Variants in RPS6KB1 observed in about 807,000 individuals in gnomAD.
The protein encoded by RPS6KB1 is ribosomal protein S6 kinase beta-1.
RPS6KB1 carries 12 observed loss-of-function variants against 70.2 expected under a neutral mutation model. That is an observed-to-expected ratio of 0.17 (90% CI 0.11 to 0.28). The LOEUF (loss-of-function observed/expected upper bound fraction) is 0.28, where lower values mean the gene tolerates loss of function less well. Ranked by LOEUF, RPS6KB1 falls within the 10% of genes least tolerant of loss-of-function variation. The pLI is 1.00. For synonymous variants in RPS6KB1, 175 were observed against 211.2 expected (o/e 0.83, Z 1.49); for missense variants, 270 against 646.6 (o/e 0.42, Z 6.32).
chr17:59,893,824 T>G lies in RPS6KB1; in HGVS notation c.141+499T>G. 1 of 986,356 alleles carries G rather than the reference T, an allele frequency of 1.0e-6. No individual in the cohort carries two copies. The highest frequency in any genetic ancestry group is 4.7e-5 in the South Asian group (1 of 21,394). The allele number at this position is 986,356 out of a possible 1,614,324, so 61.1% of individuals were successfully genotyped here. A position where few individuals can be genotyped will look rare whatever the true frequency, so the allele number is the denominator to read the frequency against. ...GCGCTCAGCTGTTAGAAGTGACAGCTGAAAACTTCTGTCGGGAGTAGCACT... is the reference window on the plus strand; with the variant it reads ...GCGCTCAGCTGTTAGAAGTGACAGCGGAAAACTTCTGTCGGGAGTAGCACT... On this transcript the variant is annotated intron_variant, in intron 1 of 14. Transcript: ENST00000225577. The surrounding 1 kb of genome is among the most constrained non-coding windows in gnomAD (Gnocchi z 4.1).
intron 7 of RPS6KB1, 62 bp downstream of exon 7, chr17:59,931,784 T>A (rs576017897): frequency 5.0e-5 from 59 of 1,183,142 alleles, no homozygotes; most frequent in Non-Finnish European, 7.0e-5. Flanking sequence ...CCCACATAGG[T>A]CGTGGCCATT....
intron 1 of RPS6KB1, among the ~76,000 whole-genome samples, chr17:59,894,668 G>A (rs2041411502): frequency 6.6e-6 from 1 of 152,154 alleles, no homozygotes; most frequent in African/African-American, 2.4e-5. Context: ...GCAATGGTGC[G>A]ATCTCAGCTC....
intron 4 of RPS6KB1, among the ~76,000 whole-genome samples, chr17:59,918,515 G>T (rs1037557395): frequency 6.6e-6 from 1 of 151,792 alleles, no homozygotes; most frequent in Admixed American, 6.6e-5. Flanking sequence ...GATTACAGGT[G>T]CCCGCTACCA....
chr17:59,914,708 T>C lies in RPS6KB1; in HGVS notation c.381+5T>C, dbSNP rs773282517. On this transcript the variant is annotated splice_donor_5th_base_variant and intron_variant, in intron 4 of 14. Transcript: ENST00000225577. ...GCCATGAAGGTGCTTAAAAAGGTGA[T>C]TTCCACTCCCCCTTTTTAGTCCTCA... 6.2e-7 allele frequency: 1 copy of C among 1,601,916 alleles called. No individual in the cohort carries two copies. The highest frequency in any genetic ancestry group is 8.5e-7 in the Non-Finnish European group (1 of 1,170,660).
At chr17:59,944,106 A>C (rs2044782890) in intron 13 of RPS6KB1, among the ~76,000 whole-genome samples, 1 of 152,028 alleles carries the variant, frequency 6.6e-6, no homozygotes, top group African/African-American at 2.4e-5. Flanking sequence ...AGTCCACCAG[A>C]ACGTTTGTAA....
chr17:59,905,548 A>C (rs1353484669), intron 1 of RPS6KB1, among the ~76,000 whole-genome samples: 1 of 150,446 alleles, frequency 6.6e-6, no homozygotes, highest in Admixed American at 6.6e-5. Flanking sequence ...CTTGTTGCCC[A>C]GGCTGGAGGG....
intron 10 of RPS6KB1, among the ~76,000 whole-genome samples, chr17:59,935,996 G>C (rs2044209273): frequency 6.6e-6 from 1 of 151,258 alleles, no homozygotes; most frequent in Non-Finnish European, 1.5e-5. Context: ...ATTTTTAGTA[G>C]AGAAGGGGTT....
intron 10 of RPS6KB1, among the ~76,000 whole-genome samples, chr17:59,935,617 G>A (rs1185667621): frequency 6.6e-6 from 1 of 151,762 alleles, no homozygotes; most frequent in Non-Finnish European, 1.5e-5. Context: ...TGGGATTACA[G>A]GCACCCGCCA....
In RPS6KB1 at chr17:59,947,386, G is replaced by A; in HGVS notation, c.*598G>A. On this transcript the variant is annotated 3_prime_UTR_variant, in exon 15 of 15. Coordinates refer to ENST00000225577, the MANE Select transcript of RPS6KB1 (RefSeq NM_003161.4). Reference sequence around the variant, plus strand: ...CAAACTTTAAAATGCGAAATTATTGGTTGGTGTGAAGAAAGCCAGACAACT... The same window carrying A: ...CAAACTTTAAAATGCGAAATTATTGATTGGTGTGAAGAAAGCCAGACAACT... 2.4e-6 allele frequency: 3 copies of A among 1,236,464 alleles called. No individual in the cohort carries two copies. The highest frequency in any genetic ancestry group is 3.1e-6 in the Non-Finnish European group (3 of 981,400). 76.6% of individuals were successfully genotyped at this position (1,236,464 alleles called of 1,614,324 possible). A position where few individuals can be genotyped will look rare whatever the true frequency, so the allele number is the denominator to read the frequency against.
At chr17:59,920,452 C>T (rs1470906220) in intron 4 of RPS6KB1, among the ~76,000 whole-genome samples, 1 of 152,176 alleles carries the variant, frequency 6.6e-6, no homozygotes, top group Admixed American at 6.5e-5. Flanking sequence ...TAAATGACTC[C>T]TCAGTTTGAA....
At chr17:59,936,183 T>C in intron 10 of RPS6KB1, 32 bp from the exon 11 acceptor site, 1 of 1,579,464 alleles carries the variant, frequency 6.3e-7, no homozygotes, top group Non-Finnish European at 8.6e-7. Context: ...TTGACTAAGG[T>C]TCTTTATCCA....
At chr17:59,913,536 G>A (rs1382984977) in intron 3 of RPS6KB1, among the ~76,000 whole-genome samples, 2 of 152,174 alleles carry the variant, frequency 1.3e-5, no homozygotes, top group African/African-American at 2.4e-5. Flanking sequence ...GGTGTTGCAT[G>A]AAAATGTTTA....
At chr17:59,903,983 C>G (rs1411065327) in intron 1 of RPS6KB1, among the ~76,000 whole-genome samples, 1 of 152,124 alleles carries the variant, frequency 6.6e-6, no homozygotes, top group Non-Finnish European at 1.5e-5. Flanking sequence ...CTCAAGCAGT[C>G]TTCCACCTTG....
intron 4 of RPS6KB1, among the ~76,000 whole-genome samples, chr17:59,915,343 A>C (rs914396134): frequency 6.6e-6 from 1 of 152,018 alleles, no homozygotes; most frequent in Non-Finnish European, 1.5e-5. Flanking sequence ...GGTATGTTTC[A>C]TTACTGTTAT....
chr17:59,897,777 C>G (rs1371885797), intron 1 of RPS6KB1, among the ~76,000 whole-genome samples: 1 of 151,896 alleles, frequency 6.6e-6, no homozygotes. Flanking sequence ...CCAGCCTGGC[C>G]AATATGGTGA....
intron 13 of RPS6KB1, among the ~76,000 whole-genome samples, chr17:59,941,897 C>T (rs1284757512): frequency 7.8e-6 from 1 of 128,186 alleles, no homozygotes; most frequent in Non-Finnish European, 1.6e-5. Flanking sequence ...CTCGCTCTGT[C>T]GCCCAGGTTG....
At chr17:59,925,954 A>C (rs1414331682) in intron 4 of RPS6KB1, among the ~76,000 whole-genome samples, 1 of 151,934 alleles carries the variant, frequency 6.6e-6, no homozygotes, top group Non-Finnish European at 1.5e-5. Flanking sequence ...GCCACATTTC[A>C]TTTTAATAAC....
intron 1 of RPS6KB1, among the ~76,000 whole-genome samples, chr17:59,895,488 C>CT (rs1479052071): frequency 3.3e-5 from 5 of 150,230 alleles, no homozygotes; most frequent in African/African-American, 4.9e-5. Context: ...CACCTGGCTA[C>CT]TTTTTTTGTA....
At chr17:59,897,280 A>G (rs929175072) in intron 1 of RPS6KB1, among the ~76,000 whole-genome samples, 12 of 152,224 alleles carry the variant, frequency 7.9e-5, no homozygotes, top group Non-Finnish European at 7.3e-5. Context: ...AATGTTTTCT[A>G]TAACATGAGG....
Sources: gnomAD v4.1 joint callset for allele counts (sites outside exome capture counted in the v4.1 genomes callset) on GRCh38, gnomAD v4.1.1 for gene constraint, Gnocchi (gnomAD v3.1) non-coding constraint, MANE v1.5 for transcripts, NCBI Gene and HGNC (gene_info 2026-07-23, HGNC 2026-07-21) for gene names.